The following VPS13D variants were observed in gnomAD, a reference collection of about 807,000 sequenced individuals.
VPS13D encodes vacuolar protein sorting 13 homolog D, also known as intermembrane lipid transfer protein VPS13D.
In VPS13D, 187 loss-of-function variants were observed where a neutral mutation model predicts 461.9. The observed-to-expected ratio is 0.40, with a 90% confidence interval of 0.36 to 0.46. VPS13D has a LOEUF of 0.46. Among genes scored for constraint, VPS13D ranks in the 20% least tolerant of loss-of-function variants. The pLI, the probability that VPS13D is intolerant of heterozygous loss-of-function variation, is 0.60. For synonymous variants in VPS13D, 1,951 were observed against 1,986.3 expected (o/e 0.98, Z 0.47); for missense variants, 4,711 against 5,364.9 (o/e 0.88, Z 3.81).
intron 65 of VPS13D, among the ~76,000 whole-genome samples, chr1:12,448,335 G>A (rs1411011340): frequency 6.6e-6 from 1 of 152,142 alleles, no homozygotes; most frequent in Non-Finnish European, 1.5e-5. Flanking sequence ...TCAGTACTGA[G>A]GCACAAGCTA....
At chr1:12,262,635 G>A (rs1056856084) in intron 13 of VPS13D, among the ~76,000 whole-genome samples, 1 of 152,084 alleles carries the variant, frequency 6.6e-6, no homozygotes, top group African/African-American at 2.4e-5. Flanking sequence ...CTTTTAAGGT[G>A]GGCTAGGCCA....
intron 65 of VPS13D, among the ~76,000 whole-genome samples, chr1:12,435,213 T>C (rs751694717): frequency 3.9e-5 from 6 of 152,026 alleles, no homozygotes; most frequent in Non-Finnish European, 5.9e-5. Context: ...GGTACTAATA[T>C]TTTGGGAGAC....
At chr1:12,349,588 G>A (rs1172643779) in intron 46 of VPS13D, among the ~76,000 whole-genome samples, 2 of 152,102 alleles carry the variant, frequency 1.3e-5, no homozygotes, top group Non-Finnish European at 2.9e-5. Context: ...GGGAGAGACA[G>A]CCAACACACA....
chr1:12,337,857 T>G (rs889976495), intron 39 of VPS13D: 1 of 173,978 alleles, frequency 5.7e-6, no homozygotes, highest in African/African-American at 2.4e-5. Flanking sequence ...CAACCTTCAC[T>G]AAAATCTGTA....
rs757831518 is a variant in VPS13D, at chr1:12,267,963, T to A, written c.1801+43T>A. ...GTTTTTTTAAAATTTTTAAATTTTT[T>A]AAATTAATTTTTCTTTGAGACAGGG... On this transcript the variant is annotated intron_variant, in intron 15 of 69. Coordinates refer to ENST00000620676, the MANE Select transcript of VPS13D (RefSeq NM_015378.4). The A allele has an allele frequency of 1.0e-5, 16 of 1,531,092 alleles. No individual in the cohort carries two copies. The African/African-American group carries it at 1.4e-4, about 14-fold the overall frequency. 94.8% of individuals were successfully genotyped at this position (1,531,092 alleles called of 1,614,324 possible).
rs67174302 is a variant in VPS13D, at chr1:12,285,296, A to AT, written c.5634+1572dup. On this transcript the variant is annotated intron_variant, in intron 21 of 69. Coordinates refer to ENST00000620676, the MANE Select transcript of VPS13D (RefSeq NM_015378.4). ...TATTTATTTATTTATTTATTTATTTATTTTTTTTTTTTGAGACGGAGTCTC... is the reference window on the plus strand; with the variant it reads ...TATTTATTTATTTATTTATTTATTTATTTTTTTTTTTTTGAGACGGAGTCTC... Among the ~76,000 whole-genome samples the AT allele has an allele frequency of 3.5e-3, 469 of 133,694 alleles. 3 individuals are homozygous for AT. The highest frequency in any genetic ancestry group is 0.011 in the African/African-American group (403 of 35,608). 87.7% of individuals were successfully genotyped at this position (133,694 alleles called of 152,430 possible).
intron 52 of VPS13D, among the ~76,000 whole-genome samples, chr1:12,365,447 T>C (rs947597551): frequency 4.6e-5 from 7 of 152,228 alleles, no homozygotes; most frequent in African/African-American, 1.7e-4. Context: ...GGCTCACGCC[T>C]GTAATCCCAG....
intron 9 of VPS13D, among the ~76,000 whole-genome samples, chr1:12,257,404 A>T (rs1362412076): frequency 6.6e-6 from 1 of 152,148 alleles, no homozygotes; most frequent in Non-Finnish European, 1.5e-5. Flanking sequence ...ATATTCTTTG[A>T]ACCTACTTCC....
At chr1:12,427,883 T>A (rs142891824) in intron 65 of VPS13D, among the ~76,000 whole-genome samples, 2,863 of 152,228 alleles carry the variant, frequency 0.019, 108 homozygotes, top group Admixed American at 0.099. Context: ...GCAGAATGAG[T>A]TTCAGAGAAC....
intron 6 of VPS13D, among the ~76,000 whole-genome samples, chr1:12,250,677 C>T (rs1379537096): frequency 1.3e-5 from 2 of 152,250 alleles, no homozygotes; most frequent in Non-Finnish European, 2.9e-5. Context: ...ATTTTCACCA[C>T]TGCTGTTATC....
intron 65 of VPS13D, among the ~76,000 whole-genome samples, chr1:12,425,652 A>G (rs917889009): frequency 2.1e-5 from 3 of 144,752 alleles, no homozygotes. Context: ...ATCTTTCCCT[A>G]TGCTCTCTCA....
intron 31 of VPS13D, among the ~76,000 whole-genome samples, chr1:12,318,960 A>G (rs1236922804): frequency 6.6e-6 from 1 of 152,232 alleles, no homozygotes; most frequent in East Asian, 1.9e-4. Context: ...GGTTTTTGAT[A>G]AAAACACAGT....
intron 67 of VPS13D, among the ~76,000 whole-genome samples, chr1:12,469,826 C>T (rs1032543937): frequency 2.6e-5 from 4 of 152,174 alleles, no homozygotes; most frequent in South Asian, 2.1e-4. Flanking sequence ...ATTTTAATTT[C>T]GGCAGGGTAG....
intron 68 of VPS13D, chr1:12,500,374 C>A: frequency 3.0e-6 from 1 of 336,392 alleles, no homozygotes; most frequent in Non-Finnish European, 4.2e-6. Flanking sequence ...AAAATTTGTC[C>A]TATATGGTGA....
intron 67 of VPS13D, among the ~76,000 whole-genome samples, chr1:12,483,819 G>A (rs1375978067): frequency 6.6e-6 from 1 of 152,086 alleles, no homozygotes; most frequent in Non-Finnish European, 1.5e-5. Context: ...CCAACATGGT[G>A]AAACCCCGTC....
intron 65 of VPS13D, among the ~76,000 whole-genome samples, chr1:12,448,221 G>C (rs1159951899): frequency 3.9e-5 from 6 of 152,190 alleles, no homozygotes; most frequent in African/African-American, 1.4e-4. Context: ...TTGAGAGCCT[G>C]TGTGTTTTCT....
rs534229584 is a variant in VPS13D, at chr1:12,352,025, C to T, written c.9432-1949C>T. 9.3e-5 allele frequency among the ~76,000 whole-genome samples: 14 copies of T among 151,242 alleles called. No individual in the cohort carries two copies. In the South Asian group the frequency reaches 2.5e-3, roughly 27 times the overall value. On this transcript the variant is annotated intron_variant, in intron 46 of 69. Coordinates refer to ENST00000620676, the MANE Select transcript of VPS13D (RefSeq NM_015378.4). ...TAAAAGAAAGTCAAGTGCAGTGGCT[C>T]ACGGCTATAATCCCAGCACTTTGGG...
rs747474069 is a variant in VPS13D at position 12,318,232 on chromosome 1, G to A, written c.7309G>A (p.Glu2437Lys). The A allele has an allele frequency of 1.1e-5, 18 of 1,614,028 alleles. No individual in the cohort carries two copies. Among genetic ancestry groups the A allele is most frequent in the Non-Finnish European group, 1.4e-5 (17 of 1,180,044 alleles). ...TPSRHRNSSS[E>K]SAIVPKTVKS... ...TTCTCGCCACCGTAACTCTAGCAGCGAATCTGCTATAGTTCCCAAAACTGT... is the reference window on the plus strand; with the variant it reads ...TTCTCGCCACCGTAACTCTAGCAGCAAATCTGCTATAGTTCCCAAAACTGT... The change falls in exon 31 of 70, where the codon GAA becomes AAA. Residue 2437 changes from glutamate (E) to lysine (K), a missense_variant. By Grantham distance (56) the Glu-to-Lys change is moderately conservative. Transcript: ENST00000620676.
At chr1:12,242,626 T>G in intron 3 of VPS13D, 36 bp downstream of exon 3, 1 of 1,573,608 alleles carries the variant, frequency 6.4e-7, no homozygotes, top group African/African-American at 1.3e-5. Flanking sequence ...GAAATTTGAG[T>G]CTTAAATTGT....
Sources: gnomAD v4.1 joint callset for allele counts (sites outside exome capture counted in the v4.1 genomes callset) on GRCh38, gnomAD v4.1.1 for gene constraint, MANE v1.5 for transcripts, NCBI Gene and HGNC (gene_info 2026-07-23, HGNC 2026-07-21) for gene names.